The following NDUFA5 variants were observed in gnomAD, a reference collection of about 807,000 sequenced individuals.
The protein encoded by NDUFA5 is NADH:ubiquinone oxidoreductase subunit A5, also known as NADH dehydrogenase [ubiquinone] 1 alpha subcomplex subunit 5.
Under a neutral mutation model 19.8 loss-of-function variants are expected in NDUFA5, and 11 were observed. That is an observed-to-expected ratio of 0.56 (90% confidence interval 0.35 to 0.92). The LOEUF is 0.92. NDUFA5 is among the 40% of genes least tolerant of loss of function. The pLI is 0.01. For synonymous variants in NDUFA5, 47 were observed against 46.8 expected, an observed-to-expected ratio of 1.00 and a Z score of -0.01; for missense variants, 109 against 134.2, an observed-to-expected ratio of 0.81 and a Z score of 0.93.
In NDUFA5 at chr7:123,541,860, C is replaced by G. The variant is rs1309167699; in HGVS notation, c.*259G>C. ...GCATTGAAAATCTGTAGGAATTTTTCTTTAATAATTTTCAAATCTTCCCAT... is the reference window on the plus strand; with the variant it reads ...GCATTGAAAATCTGTAGGAATTTTTGTTTAATAATTTTCAAATCTTCCCAT... On this transcript the variant is annotated 3_prime_UTR_variant, in exon 5 of 5. Coordinates refer to ENST00000355749, the MANE Select transcript of NDUFA5 (RefSeq NM_005000.5). 4.5e-6 allele frequency: 1 copy of G among 223,596 alleles called. No homozygotes were observed. Among genetic ancestry groups the G allele is most frequent in the Admixed American group, 5.7e-5 (1 of 17,540 alleles). The allele number at this position is 223,596 out of a possible 1,614,324, so 13.9% of individuals were successfully genotyped here.
In NDUFA5 at chr7:123,550,169, C is replaced by A. The variant is rs1172746592; in HGVS notation, c.183+301G>T. The A allele has an allele frequency of 3.7e-5, 8 of 215,750 alleles. No individual in the cohort carries two copies. The Admixed American group carries it at 4.9e-4, about 13-fold the overall frequency. The allele number at this position is 215,750 out of a possible 1,614,324, so 13.4% of individuals were successfully genotyped here. ...AAAAAGGAGATCAAGATTGATATAT[C>A]CAAGATAAAAAGCAAAAGATCAATA... On this transcript the variant is annotated intron_variant, in intron 3 of 4. Coordinates refer to ENST00000355749, the MANE Select transcript of NDUFA5 (RefSeq NM_005000.5).
the NDUFA5 span, among the ~76,000 whole-genome samples, chr7:123,575,779 A>C: frequency 6.9e-6 from 1 of 144,422 alleles, no homozygotes; most frequent in Middle Eastern, 3.3e-3. Flanking sequence ...CCCTTTATGA[A>C]TTATTTGATT....
chr7:123,600,788 T>C, the NDUFA5 span, among the ~76,000 whole-genome samples: 2 of 152,148 alleles, frequency 1.3e-5, no homozygotes, highest in East Asian at 1.9e-4. Flanking sequence ...ATTTTTGAAA[T>C]AAAACTGGCA....
At chr7:123,590,200 C>A in the NDUFA5 span, among the ~76,000 whole-genome samples, 1 of 151,992 alleles carries the variant, frequency 6.6e-6, no homozygotes, top group Non-Finnish European at 1.5e-5. Context: ...TGTTTAAGTT[C>A]TGTGTAGATT....
At chr7:123,560,084 TA>T (rs1421061176), upstream of NDUFA5, among the ~76,000 whole-genome samples, 2 of 152,056 alleles carry the variant, frequency 1.3e-5, no homozygotes, top group African/African-American at 4.8e-5. Context: ...GGACAAAAAC[TA>T]TATGATAATT....
the NDUFA5 span, among the ~76,000 whole-genome samples, chr7:123,570,318 G>A: frequency 6.6e-6 from 1 of 152,034 alleles, no homozygotes; most frequent in Non-Finnish European, 1.5e-5. Context: ...TTACAGGCGT[G>A]AGCCACCGCG....
chr7:123,599,259 C>CA, the NDUFA5 span, among the ~76,000 whole-genome samples: 1 of 151,650 alleles, frequency 6.6e-6, no homozygotes, highest in Admixed American at 6.6e-5. Context: ...AAAAGAATAC[C>CA]AAAAAAACAC....
In NDUFA5 at chr7:123,538,849, G is replaced by C. The variant is rs1019740047; in HGVS notation, c.*3270C>G. On this transcript the variant is annotated 3_prime_UTR_variant, in exon 5 of 5. Coordinates refer to ENST00000355749, the MANE Select transcript of NDUFA5 (RefSeq NM_005000.5). ...TAATCATAGAGGATGGGAGGAAAAA[G>C]AAAAAGCTGCTATTAGCCTACATGT... 1 of 152,174 alleles carries C rather than the reference G, an allele frequency of 6.6e-6. No individual in the cohort carries two copies. Among genetic ancestry groups the C allele is most frequent in the African/African-American group, 2.4e-5 (1 of 41,438 alleles). 9.4% of individuals were successfully genotyped at this position (152,174 alleles called of 1,614,324 possible).
In NDUFA5 at chr7:123,541,852, G is replaced by T; in HGVS notation, c.*267C>A. ...TGGTCTCTGCATTGAAAATCTGTAG[G>T]AATTTTTCTTTAATAATTTTCAAAT... On this transcript the variant is annotated 3_prime_UTR_variant, in exon 5 of 5. Transcript: ENST00000355749. 1 of 214,370 alleles carries T rather than the reference G, an allele frequency of 4.7e-6. No individual in the cohort carries two copies. Among genetic ancestry groups the T allele is most frequent in the Non-Finnish European group, 9.1e-6 (1 of 109,534 alleles). The allele number at this position is 214,370 out of a possible 1,614,324, so 13.3% of individuals were successfully genotyped here. A position where few individuals can be genotyped will look rare whatever the true frequency, so the allele number is the denominator to read the frequency against.
At position 123,540,890 on chromosome 7, in the gene NDUFA5, G is replaced by GCGCGCGCGCGCACACACA. The variant is rs766305834; in HGVS notation, c.*1228_*1229insTGTGTGTGCGCGCGCGCG. The GCGCGCGCGCGCACACACA allele has an allele frequency of 2.2e-5, 3 of 133,830 alleles. No individual in the cohort carries two copies. The highest frequency in any genetic ancestry group is 8.9e-5 in the African/African-American group (3 of 33,802). The allele number at this position is 133,830 out of a possible 1,614,324, so 8.3% of individuals were successfully genotyped here. A position where few individuals can be genotyped will look rare whatever the true frequency, so the allele number is the denominator to read the frequency against. ...TCTGAGCAAATGTGCGCATGCGCGT[G>GCGCGCGCGCGCACACACA]CACACACACACACACACACACACAC... On this transcript the variant is annotated 3_prime_UTR_variant, in exon 5 of 5. Transcript: ENST00000355749.
At chr7:123,599,035 T>C in the NDUFA5 span, 1 of 152,356 alleles carries the variant, frequency 6.6e-6, no homozygotes, top group African/African-American at 2.4e-5. Flanking sequence ...TGTTTTTATA[T>C]TCTTTTCTAC....
At chr7:123,565,396 T>TACACACACACACAC in the NDUFA5 span, among the ~76,000 whole-genome samples, 21 of 148,346 alleles carry the variant, frequency 1.4e-4, no homozygotes, top group African/African-American at 4.7e-4. Flanking sequence ...TAGCTTATAA[T>TACACACACACACAC]ACACACACAC....
chr7:123,580,680 G>A, the NDUFA5 span, among the ~76,000 whole-genome samples: 2 of 152,132 alleles, frequency 1.3e-5, no homozygotes, highest in South Asian at 4.1e-4. Flanking sequence ...ACCCATGTGG[G>A]TGAGTGGAGA....
intron 2 of NDUFA5, among the ~76,000 whole-genome samples, chr7:123,551,082 C>T (rs536825631): frequency 4.6e-5 from 7 of 151,628 alleles, no homozygotes; most frequent in African/African-American, 1.5e-4. Context: ...GCCGCCACCA[C>T]GCCTGGCTAA....
upstream of NDUFA5, among the ~76,000 whole-genome samples, chr7:123,561,373 C>G (rs1226509503): frequency 6.6e-6 from 1 of 152,202 alleles, no homozygotes; most frequent in Admixed American, 6.5e-5. Context: ...AAACCACTTT[C>G]TTTGTTCATT....
upstream of NDUFA5, among the ~76,000 whole-genome samples, chr7:123,561,716 G>A (rs775938071): frequency 6.6e-6 from 1 of 152,062 alleles, no homozygotes; most frequent in Non-Finnish European, 1.5e-5. Flanking sequence ...TCCTGCCTCA[G>A]CCTCCCGAGT....
At chr7:123,562,344 C>A (rs1266825126), upstream of NDUFA5, among the ~76,000 whole-genome samples, 2 of 152,274 alleles carry the variant, frequency 1.3e-5, no homozygotes, top group East Asian at 3.9e-4. Flanking sequence ...AGAGAGTTAG[C>A]CTGTCTTTTG....
upstream of NDUFA5, among the ~76,000 whole-genome samples, chr7:123,562,031 A>G (rs1798695986): frequency 6.6e-6 from 1 of 152,118 alleles, no homozygotes; most frequent in Non-Finnish European, 1.5e-5. Flanking sequence ...ATTTTTTTAA[A>G]TAAGACTTGA....
chr7:123,551,928 GA>G (rs1798355661), intron 2 of NDUFA5, among the ~76,000 whole-genome samples: 1 of 152,068 alleles, frequency 6.6e-6, no homozygotes, highest in Non-Finnish European at 1.5e-5. Flanking sequence ...AGTGTCTAGA[GA>G]AATACAGATG....
Sources: allele counts gnomAD v4.1 joint callset (sites outside exome capture counted in the v4.1 genomes callset), GRCh38; gene constraint gnomAD v4.1.1; transcripts MANE v1.5; gene names NCBI Gene and HGNC (gene_info 2026-07-23, HGNC 2026-07-21).